Variants in IDO2 observed in about 807,000 individuals in gnomAD.
The protein encoded by IDO2 is indoleamine 2,3-dioxygenase-like 1 protein.
In IDO2, 46 loss-of-function variants were observed where a neutral mutation model predicts 45.1. The observed-to-expected ratio is 1.02, with a 90% CI of 0.80 to 1.30. The LOEUF is 1.30. Among genes scored for constraint, IDO2 ranks in the 50% most tolerant of loss-of-function variants. The probability of loss-of-function intolerance (pLI) is 0.00; values close to 1 mark genes in which losing one functional copy is unlikely to be tolerated. For synonymous variants in IDO2, 218 were observed against 184.9 expected, an observed-to-expected ratio of 1.18 and a Z score of -1.45; for missense variants, 544 against 491.8, an observed-to-expected ratio of 1.11 and a Z score of -1.00.
chr8:39,939,714 T>G (rs879427379), intron 1 of IDO2, among the ~76,000 whole-genome samples: 3 of 127,748 alleles, frequency 2.3e-5, no homozygotes, highest in Admixed American at 7.5e-5. Flanking sequence ...AAAAAAAAAG[T>G]AGGCTGCAAT....
chr8:39,991,147 C>T (rs758481483), intron 8 of IDO2, among the ~76,000 whole-genome samples: 16 of 152,208 alleles, frequency 1.1e-4, no homozygotes, highest in Non-Finnish European at 1.0e-4. Context: ...ATCCCAGCCT[C>T]TCAGCACTAG....
intron 9 of IDO2, among the ~76,000 whole-genome samples, chr8:40,009,585 C>G (rs1046868874): frequency 6.6e-6 from 1 of 152,064 alleles, no homozygotes; most frequent in Non-Finnish European, 1.5e-5. Context: ...TTCACAGTAG[C>G]AGCTTGGACC....
chr8:39,977,216 A>T (rs1242098242), intron 3 of IDO2, among the ~76,000 whole-genome samples: 1 of 152,230 alleles, frequency 6.6e-6, no homozygotes, highest in Admixed American at 6.5e-5. Context: ...TAGTTAAGAC[A>T]GTGAAAGATA....
chr8:40,015,350 T>C (rs763751985), exon 11 of IDO2: 1 of 1,610,330 alleles, frequency 6.2e-7, no homozygotes, highest in African/African-American at 1.3e-5. Flanking sequence ...TCCTGTCATC[T>C]GGACAGGACC....
At chr8:39,971,996 G>C (rs890921242) in intron 3 of IDO2, among the ~76,000 whole-genome samples, 23 of 152,102 alleles carry the variant, frequency 1.5e-4, no homozygotes, top group Admixed American at 8.5e-4. Context: ...TTTTAGTAGA[G>C]ATGGGGTTTT....
intron 1 of IDO2, among the ~76,000 whole-genome samples, chr8:39,947,443 T>A (rs1807754034): frequency 6.6e-6 from 1 of 152,232 alleles, no homozygotes. Flanking sequence ...TATACTGGTC[T>A]AAGCAAGCAT....
intron 10 of IDO2, 29 bp downstream of exon 10, chr8:40,013,742 G>T: frequency 6.6e-7 from 1 of 1,515,442 alleles, no homozygotes; most frequent in Non-Finnish European, 8.9e-7. Flanking sequence ...TTTCCCTTGA[G>T]AGTAGAGGGA....
chr8:39,973,553 A>G (rs1808211979), intron 3 of IDO2, among the ~76,000 whole-genome samples: 1 of 152,054 alleles, frequency 6.6e-6, no homozygotes, highest in Non-Finnish European at 1.5e-5. Context: ...GTGACTGTGA[A>G]ATAAGAAAAT....
chr8:39,968,289 T>C (rs80232501), intron 3 of IDO2, among the ~76,000 whole-genome samples: 2,513 of 152,330 alleles, frequency 0.016, 71 homozygotes, highest in African/African-American at 0.058. Flanking sequence ...ATGATTCTTT[T>C]CAAATGACTT....
At chr8:40,008,423 C>T (rs1802254772) in intron 9 of IDO2, among the ~76,000 whole-genome samples, 1 of 152,132 alleles carries the variant, frequency 6.6e-6, no homozygotes, top group South Asian at 2.1e-4. Flanking sequence ...AGAAAACTCT[C>T]TGATTTTAAA....
chr8:39,952,029 A>G (rs1202738721), intron 2 of IDO2, among the ~76,000 whole-genome samples: 1 of 152,114 alleles, frequency 6.6e-6, no homozygotes, highest in African/African-American at 2.4e-5. Context: ...TGTTATGTTC[A>G]TTTTCCCCAT....
At chr8:39,998,728 C>G (rs1414142317) in intron 8 of IDO2, among the ~76,000 whole-genome samples, 1 of 146,634 alleles carries the variant, frequency 6.8e-6, no homozygotes, top group Non-Finnish European at 1.5e-5. Context: ...ACAACCTGTG[C>G]CTCCCCGGTT....
intron 4 of IDO2, 43 bp downstream of exon 4, chr8:39,979,229 C>G (rs1249664950): frequency 6.4e-7 from 1 of 1,553,128 alleles, no homozygotes; most frequent in Non-Finnish European, 8.7e-7. Context: ...CGGCAGGTTA[C>G]CTGCGCCTGG....
intron 9 of IDO2, among the ~76,000 whole-genome samples, chr8:40,011,904 T>C (rs529788382): frequency 7.4e-4 from 113 of 152,330 alleles, no homozygotes; most frequent in African/African-American, 2.0e-3. Flanking sequence ...CTGGCAGCAG[T>C]AACCTCTCCT....
chr8:40,003,036 A>G (rs2129595242), intron 8 of IDO2, among the ~76,000 whole-genome samples: 1 of 152,302 alleles, frequency 6.6e-6, no homozygotes, highest in South Asian at 2.1e-4. Flanking sequence ...ATATCCAGAC[A>G]GAGAACTCTT....
intron 4 of IDO2, among the ~76,000 whole-genome samples, chr8:39,981,540 G>A (rs1452708388): frequency 6.6e-6 from 1 of 151,946 alleles, no homozygotes; most frequent in Non-Finnish European, 1.5e-5. Context: ...CAGGGGACCC[G>A]GAGGCTCCCC....
intron 5 of IDO2, among the ~76,000 whole-genome samples, chr8:39,984,682 A>C (rs1808397688): frequency 6.6e-6 from 1 of 152,180 alleles, no homozygotes; most frequent in Non-Finnish European, 1.5e-5. Context: ...ATAGAAGCAA[A>C]GTACTCCCCA....
intron 3 of IDO2, 112 bp from the exon 4 acceptor site, chr8:39,978,955 C>A: frequency 1.0e-6 from 1 of 954,148 alleles, no homozygotes; most frequent in Non-Finnish European, 1.6e-6. Flanking sequence ...TAAAATATAA[C>A]CCATTGCCTT....
intron 10 of IDO2, 48 bp downstream of exon 10, chr8:40,013,761 A>G: frequency 8.0e-7 from 1 of 1,243,840 alleles, no homozygotes; most frequent in South Asian, 1.6e-5. Flanking sequence ...GAGGAAGAGG[A>G]GAGGTGTTTT....
Sources: gnomAD v4.1 joint callset for allele counts (sites outside exome capture counted in the v4.1 genomes callset) on GRCh38, gnomAD v4.1.1 for gene constraint, MANE v1.5 for transcripts, NCBI Gene and HGNC (gene_info 2026-07-23, HGNC 2026-07-21) for gene names.